Variants in ZNF777 observed in about 807,000 individuals in gnomAD.
The protein encoded by ZNF777 is zinc finger protein 777.
Under a neutral mutation model 72.1 loss-of-function variants are expected in ZNF777, and 7 were observed. The observed-to-expected ratio is 0.10, with a 90% CI of 0.06 to 0.18. ZNF777 has a LOEUF of 0.18. Among genes scored for constraint, ZNF777 ranks in the 10% least tolerant of loss-of-function variants. ZNF777 has a pLI of 1.00. For missense variants in ZNF777, 828 were observed against 1,128.6 expected (o/e 0.73, Z 3.82); for synonymous variants, 545 against 483.5 (o/e 1.13, Z -1.67).
At chr7:149,444,694 T>C (rs1475054343) in intron 4 of ZNF777, among the ~76,000 whole-genome samples, 1 of 152,262 alleles carries the variant, frequency 6.6e-6, no homozygotes. Context: ...CTTTGGAATT[T>C]GAAAGGCACT....
In ZNF777 at chr7:149,432,931, C is replaced by T; in HGVS notation, c.1341G>A (p.Glu447=). 6.8e-7 allele frequency: 1 copy of T among 1,470,032 alleles called. No homozygotes were observed. The highest frequency in any genetic ancestry group is 9.0e-7 in the Non-Finnish European group (1 of 1,109,206). 91.1% of individuals were successfully genotyped at this position (1,470,032 alleles called of 1,614,324 possible). A position where few individuals can be genotyped will look rare whatever the true frequency, so the allele number is the denominator to read the frequency against. The change falls in exon 6 of 6, where the codon GAG becomes GAA. Residue 447 remains glutamate (E), a splice_region_variant and synonymous_variant. Coordinates refer to ENST00000247930, the MANE Select transcript of ZNF777 (RefSeq NM_015694.3). ...GTTCCTCTGTCTTGATCACGATCCC[C>T]TCTGCTCCAGGGACAGAGAGAGAAA... ...QMLVQQRNCT[E]GIVIKTEEQD...
chr7:149,459,972 G>T (rs1373457473), intron 1 of ZNF777: 1 of 929,170 alleles, frequency 1.1e-6, no homozygotes, highest in Admixed American at 6.2e-5. Context: ...AGACGCGCGG[G>T]CCCCCTCCAG....
intron 4 of ZNF777, among the ~76,000 whole-genome samples, chr7:149,437,810 T>C (rs1164678376): frequency 6.7e-6 from 1 of 150,282 alleles, no homozygotes; most frequent in East Asian, 1.9e-4. Flanking sequence ...TTTTTCTTTT[T>C]TTTTTTTTTT....
At chr7:149,435,497 A>G (rs540553200) in intron 5 of ZNF777, among the ~76,000 whole-genome samples, 1 of 152,298 alleles carries the variant, frequency 6.6e-6, no homozygotes, top group African/African-American at 2.4e-5. Context: ...GACCAACGAG[A>G]TGGTCATTAA....
At chr7:149,456,865 G>A (rs973201571) in intron 1 of ZNF777, among the ~76,000 whole-genome samples, 2 of 152,194 alleles carry the variant, frequency 1.3e-5, no homozygotes, top group Non-Finnish European at 2.9e-5. Context: ...GAGGCTGAAC[G>A]GGCTTCTGGG....
Position 149,455,068 on chromosome 7 carries a change from G to A in ZNF777, c.846+109C>T. The A allele has an allele frequency of 7.3e-7, 1 of 1,361,420 alleles. No individual in the cohort carries two copies. Among genetic ancestry groups the A allele is most frequent in the Non-Finnish European group, 1.0e-6 (1 of 999,248 alleles). 84.3% of individuals were successfully genotyped at this position (1,361,420 alleles called of 1,614,324 possible). On this transcript the variant is annotated intron_variant, in intron 2 of 5. Coordinates refer to ENST00000247930, the MANE Select transcript of ZNF777 (RefSeq NM_015694.3). This position sits in a 1 kb window ranked among gnomAD's most constrained non-coding sequence, Gnocchi z 4.2. ...GCATGTCCTAGCAACTGGGATCACT[G>A]TATTTTTTCCTTTATCAACCACCCC...
chr7:149,454,332 C>G (rs76021106), intron 2 of ZNF777, 95 bp from the exon 3 acceptor site: 1 of 1,532,754 alleles, frequency 6.5e-7, no homozygotes, highest in East Asian at 2.3e-5. Context: ...GGCTCTGGGC[C>G]TTCACCTAGG....
At chr7:149,451,288 G>T (rs540544543) in intron 3 of ZNF777, among the ~76,000 whole-genome samples, 176 bp from the exon 4 acceptor site, 9 of 151,760 alleles carry the variant, frequency 5.9e-5, no homozygotes, top group Admixed American at 3.3e-4. Flanking sequence ...TGGGGGTGTG[G>T]GTGTGTGTGT....
intron 3 of ZNF777, 23 bp downstream of exon 3, chr7:149,454,088 A>G: frequency 6.2e-7 from 1 of 1,613,862 alleles, no homozygotes; most frequent in Non-Finnish European, 8.5e-7. Flanking sequence ...GGCAGCCCCC[A>G]GCGAGCGAAG....
chr7:149,432,711 G>C lies in ZNF777; in HGVS notation c.1561C>G (p.His521Asp), dbSNP rs1799339200. ...TTCTCGCTCAGGTGCCGCTCACCGT[G>C]CACGGAGGGCGCCAGCCTTTTCACT... is the stretch of plus-strand genomic sequence containing the variant. ...PAVKRLAPSV[H>D]GERHLSENRG... Residue 521 changes from histidine to aspartate, a missense_variant, in exon 6 of 6, where the codon CAC becomes GAC. By Grantham distance (81) the His-to-Asp change is moderately conservative (BLOSUM62 -1). This residue lies in a region of ZNF777 where 219 missense variants were observed against 223.0 expected (regional missense o/e 0.98). Transcript: ENST00000247930. 2 of 1,612,138 alleles carry C rather than the reference G, an allele frequency of 1.2e-6. No homozygotes were observed. The highest frequency in any genetic ancestry group is 2.7e-5 in the African/African-American group (2 of 74,886).
chr7:149,447,393 G>T (rs978144048), intron 4 of ZNF777, among the ~76,000 whole-genome samples: 1 of 152,102 alleles, frequency 6.6e-6, no homozygotes, highest in African/African-American at 2.4e-5. Flanking sequence ...TGTCTCACAG[G>T]GATCTCAAAC....
intron 4 of ZNF777, among the ~76,000 whole-genome samples, chr7:149,443,480 A>G (rs1402013024): frequency 6.6e-6 from 1 of 151,984 alleles, no homozygotes; most frequent in East Asian, 1.9e-4. Context: ...TGCCACATTA[A>G]CTCTCTCTAC....
Position 149,432,701 on chromosome 7 carries a change from C to A in ZNF777, c.1571G>T (p.Arg524Leu). ...KRLAPSVHGE[R>L]HLSENRGASS... is the part of the protein sequence containing the mutation. Reference sequence around the variant, plus strand: ...GGCCCCGCGGTTCTCGCTCAGGTGCCGCTCACCGTGCACGGAGGGCGCCAG... The same window carrying A: ...GGCCCCGCGGTTCTCGCTCAGGTGCAGCTCACCGTGCACGGAGGGCGCCAG... Residue 524 changes from arginine (R) to leucine (L), a missense_variant, in exon 6 of 6, where the codon CGG becomes CTG. By Grantham distance (102) the Arg-to-Leu change is moderately radical. Coordinates refer to ENST00000247930, the MANE Select transcript of ZNF777 (RefSeq NM_015694.3). 6.2e-7 allele frequency: 1 copy of A among 1,612,818 alleles called. No homozygotes were observed. The highest frequency in any genetic ancestry group is 1.1e-5 in the South Asian group (1 of 91,008).
At chr7:149,452,008 G>C (rs974084429) in intron 3 of ZNF777, among the ~76,000 whole-genome samples, 1 of 152,144 alleles carries the variant, frequency 6.6e-6, no homozygotes, top group Admixed American at 6.5e-5. Context: ...GCTCACGCCT[G>C]TAATCCCAGC....
chr7:149,455,505 T>A lies in ZNF777; in HGVS notation c.518A>T (p.Gln173Leu), dbSNP rs752391546. Residue 173 changes from glutamine (Q) to leucine (L), a missense_variant, in exon 2 of 6, where the codon CAG (glutamine) becomes CTG (leucine). Physicochemically the swap from Gln to Leu is moderately radical, Grantham distance 113. This residue lies in a region of ZNF777 where 222 missense variants were observed against 211.2 expected (regional missense o/e 1.05). Transcript: ENST00000247930. This position sits in a 1 kb window ranked among gnomAD's most constrained non-coding sequence, Gnocchi z 4.2. The stretch of plus-strand genomic sequence containing the variant: ...TGCCGTGGGGAGCGGCTGTTCCTTC[T>A]GGACTGCAGAAGAGATCTGGAAAGG... ...DTPFQISSAV[Q>L]KEQPLPTAEI... The A allele has an allele frequency of 6.2e-7, 1 of 1,614,040 alleles. No homozygotes were observed.
chr7:149,458,908 G>A (rs1585707319), intron 1 of ZNF777, among the ~76,000 whole-genome samples: 1 of 152,132 alleles, frequency 6.6e-6, no homozygotes, highest in African/African-American at 2.4e-5. Flanking sequence ...AGGATTTAAC[G>A]GTCCCTCCTT....
Position 149,451,060 on chromosome 7 carries a change from C to T in ZNF777, c.1026G>A (p.Arg342=). Residue 342 remains arginine, a synonymous_variant, in exon 4 of 6, where the codon CGG becomes CGA. Coordinates refer to ENST00000247930, the MANE Select transcript of ZNF777 (RefSeq NM_015694.3). ...AGTCTTCCTGCTCCTGCATGGTGGG[C>T]CGCTCCCCGCGCTCCATCTGTGACA... ...DLMSQMERGE[R]PTMQEQEDSE... 1 of 1,613,984 alleles carries T rather than the reference C, an allele frequency of 6.2e-7. No homozygotes were observed. The highest frequency in any genetic ancestry group is 8.5e-7 in the Non-Finnish European group (1 of 1,180,030).
At chr7:149,438,959 A>AACTC (rs1037244816) in intron 4 of ZNF777, among the ~76,000 whole-genome samples, 1 of 152,150 alleles carries the variant, frequency 6.6e-6, no homozygotes, top group Non-Finnish European at 1.5e-5. Flanking sequence ...AGAACTGTGG[A>AACTC]ACTCTCCCAC....
At chr7:149,439,470 A>G (rs1799470789) in intron 4 of ZNF777, among the ~76,000 whole-genome samples, 1 of 152,206 alleles carries the variant, frequency 6.6e-6, no homozygotes, top group African/African-American at 2.4e-5. Context: ...AAACTCTTCC[A>G]TCACCCTTTA....
Sources: allele counts gnomAD v4.1 joint callset (sites outside exome capture counted in the v4.1 genomes callset), GRCh38; gene constraint gnomAD v4.1.1; regional missense constraint gnomAD v4.1.1; non-coding constraint Gnocchi (gnomAD v3.1); transcripts MANE v1.5; gene names NCBI Gene and HGNC (gene_info 2026-07-23, HGNC 2026-07-21).